The following MCTP2 variants were observed in gnomAD, a reference collection of about 807,000 sequenced individuals.
The protein encoded by MCTP2 is multiple C2 and transmembrane domain containing 2.
Under a neutral mutation model 111.6 loss-of-function variants are expected in MCTP2, and 132 were observed. The ratio of observed to expected loss-of-function variants is 1.18; its 90% CI spans 1.03 to 1.37. MCTP2 has a LOEUF of 1.37. MCTP2 is among the 40% of genes most tolerant of loss of function. MCTP2 has a pLI of 0.00. For missense variants in MCTP2, 1,183 were observed against 1,067.9 expected (o/e 1.11, Z -1.50); for synonymous variants, 395 against 387.7 (o/e 1.02, Z -0.22).
At chr15:94,251,153 C>T (rs965566247) in intron 1 of MCTP2, among the ~76,000 whole-genome samples, 2 of 152,122 alleles carry the variant, frequency 1.3e-5, no homozygotes, top group South Asian at 2.1e-4. Flanking sequence ...GCAGAGCTGC[C>T]GTAGCCACAG....
intron 18 of MCTP2, among the ~76,000 whole-genome samples, chr15:94,441,009 T>TA (rs1167009973): frequency 3.3e-5 from 5 of 152,142 alleles, no homozygotes; most frequent in African/African-American, 7.2e-5. Flanking sequence ...GCTTTTTTTT[T>TA]ATGATGTAAT....
chr15:94,327,537 T>C (rs2076937481), intron 4 of MCTP2, among the ~76,000 whole-genome samples: 1 of 152,228 alleles, frequency 6.6e-6, no homozygotes, highest in Non-Finnish European at 1.5e-5. Context: ...GAGTACCTTC[T>C]CTGAACACCA....
intron 4 of MCTP2, among the ~76,000 whole-genome samples, chr15:94,317,844 A>T (rs773815203): frequency 6.6e-6 from 1 of 152,190 alleles, no homozygotes; most frequent in Non-Finnish European, 1.5e-5. Flanking sequence ...ATTTTAAAAT[A>T]GTGAAAAAAT....
At chr15:94,315,807 A>G (rs1455916941) in intron 4 of MCTP2, among the ~76,000 whole-genome samples, 170 bp downstream of exon 4, 1 of 152,234 alleles carries the variant, frequency 6.6e-6, no homozygotes, top group African/African-American at 2.4e-5. Context: ...ATTTAAACAC[A>G]CTAAACCTTA....
intron 12 of MCTP2, among the ~76,000 whole-genome samples, chr15:94,374,235 C>G (rs533379979): frequency 6.6e-6 from 1 of 152,238 alleles, no homozygotes; most frequent in Non-Finnish European, 1.5e-5. Flanking sequence ...ATATAGTAAA[C>G]AATGGGTTAA....
At chr15:94,336,691 A>ATATG (rs1555454771) in intron 4 of MCTP2, among the ~76,000 whole-genome samples, 4 of 150,830 alleles carry the variant, frequency 2.7e-5, no homozygotes, top group Non-Finnish European at 5.9e-5. Context: ...ATATATATAT[A>ATATG]TATGTATGTA....
chr15:94,291,620 A>G (rs2075036506), intron 1 of MCTP2, among the ~76,000 whole-genome samples: 1 of 152,160 alleles, frequency 6.6e-6, no homozygotes, highest in Non-Finnish European at 1.5e-5. Context: ...AAAAAAAAAA[A>G]GTGAAAATAA....
intron 8 of MCTP2, among the ~76,000 whole-genome samples, chr15:94,354,344 C>T (rs1395772836): frequency 6.6e-6 from 1 of 152,088 alleles, no homozygotes; most frequent in Non-Finnish European, 1.5e-5. Flanking sequence ...TCCCCATAAT[C>T]CCCACTTGTC....
At position 94,298,296 on chromosome 15, in the gene MCTP2, T is replaced by C. The variant is rs760528888; in HGVS notation, c.31T>C (p.Ser11Pro). The change falls in exon 2 of 23, where the codon TCA (serine) becomes CCA (proline). Residue 11 changes from serine to proline, a missense_variant. Transcript: ENST00000357742. ...TCTGGATAAACCATCTGTTTGGGGC[T>C]CATTAAAACAGCGGACCAGGCCATT... MDLDKPSVWG[S>P]LKQRTRPLLI... 2 of 1,613,758 alleles carry C rather than the reference T, an allele frequency of 1.2e-6. No individual in the cohort carries two copies. Among genetic ancestry groups the C allele is most frequent in the East Asian group, 2.2e-5 (1 of 44,894 alleles).
At chr15:94,474,461 G>A (rs1178900553) in intron 21 of MCTP2, among the ~76,000 whole-genome samples, 1 of 152,218 alleles carries the variant, frequency 6.6e-6, no homozygotes, top group East Asian at 1.9e-4. Flanking sequence ...GTGAGGTACA[G>A]GAAGGTTACG....
chr15:94,370,138 A>T lies in MCTP2; in HGVS notation c.1540A>T (p.Lys514Ter). ...GAAAGACGTCGGCATTCTACAAGTG[A>T]AGGTTTTAAAGGCAGCAGATCTCTT... The part of the protein sequence containing the change: ...DVKDVGILQV[K>*]VLKAADLLAA... The change falls in exon 12 of 23, where the codon AAG becomes TAG. Residue 514 changes from lysine to a stop codon, truncating the protein, a stop_gained. Coordinates refer to ENST00000357742, the MANE Select transcript of MCTP2 (RefSeq NM_001385001.1). LOFTEE classifies it high-confidence loss of function. The T allele has an allele frequency of 1.9e-6, 3 of 1,613,540 alleles. No individual in the cohort carries two copies. Among genetic ancestry groups the T allele is most frequent in the Non-Finnish European group, 2.5e-6 (3 of 1,179,708 alleles).
intron 4 of MCTP2, among the ~76,000 whole-genome samples, chr15:94,325,478 T>G (rs2076820316): frequency 6.6e-6 from 1 of 152,180 alleles, no homozygotes; most frequent in African/African-American, 2.4e-5. Flanking sequence ...TCCTCATCAA[T>G]TTTTGTACTT....
rs2074674110 is a variant in MCTP2 at position 94,480,513 on chromosome 15, A to G, written c.*1479A>G. On this transcript the variant is annotated 3_prime_UTR_variant, in exon 23 of 23. Coordinates refer to ENST00000357742, the MANE Select transcript of MCTP2 (RefSeq NM_001385001.1). ...TTCAAGTTAATGAAGCTGGCTGGAA[A>G]AGAGCCTTGCAGAAATTATAAAAGC... The G allele has an allele frequency of 6.6e-6, 1 of 152,234 alleles. No individual in the cohort carries two copies. Among genetic ancestry groups the G allele is most frequent in the Admixed American group, 6.5e-5 (1 of 15,280 alleles). 9.4% of individuals were successfully genotyped at this position (152,234 alleles called of 1,614,324 possible). A position where few individuals can be genotyped will look rare whatever the true frequency, so the allele number is the denominator to read the frequency against.
At chr15:94,313,185 G>A (rs915632314) in intron 2 of MCTP2, among the ~76,000 whole-genome samples, 2 of 152,160 alleles carry the variant, frequency 1.3e-5, no homozygotes, top group Non-Finnish European at 2.9e-5. Context: ...ATTGCTGGGA[G>A]GCCATTTGCC....
chr15:94,276,260 C>G (rs532475316), intron 1 of MCTP2, among the ~76,000 whole-genome samples: 2 of 152,130 alleles, frequency 1.3e-5, no homozygotes, highest in East Asian at 3.9e-4. Flanking sequence ...GAGATTAAAA[C>G]AGCAATATAA....
intron 1 of MCTP2, among the ~76,000 whole-genome samples, chr15:94,243,570 T>TGC (rs1567252594): frequency 1.4e-5 from 2 of 144,514 alleles, no homozygotes; most frequent in Non-Finnish European, 3.1e-5. Flanking sequence ...CGTATGTACA[T>TGC]ACATACGTAT....
At chr15:94,427,627 G>A (rs541500314) in intron 17 of MCTP2, among the ~76,000 whole-genome samples, 20 of 152,262 alleles carry the variant, frequency 1.3e-4, no homozygotes, top group South Asian at 1.0e-3. Flanking sequence ...CCCCCGACAC[G>A]TGGGGATTAC....
rs145540262 is a variant in MCTP2 at position 94,405,005 on chromosome 15, CAG to C, written c.2085+2987_2085+2988del. Among the ~76,000 whole-genome samples, 215 of 152,318 alleles carry C rather than the reference CAG, an allele frequency of 1.4e-3. 1 individual carries two copies. Among genetic ancestry groups the C allele is most frequent in the African/African-American group, 4.9e-3 (205 of 41,582 alleles). ...GTTCCAACTGCTCGCCTTGGCATGACAGGGCAGAACAGAGGCGCTGTCTGAAG... is the reference window on the plus strand; with the variant it reads ...GTTCCAACTGCTCGCCTTGGCATGACGGCAGAACAGAGGCGCTGTCTGAAG... On this transcript the variant is annotated intron_variant, in intron 17 of 22. Coordinates refer to ENST00000357742, the MANE Select transcript of MCTP2 (RefSeq NM_001385001.1).
At chr15:94,278,144 G>A (rs573683757) in intron 1 of MCTP2, 6 of 152,042 alleles carry the variant, frequency 3.9e-5, no homozygotes, top group East Asian at 1.9e-4. Flanking sequence ...GCTTTTATTC[G>A]GAGGTACAGA....
Sources: allele counts gnomAD v4.1 joint callset (sites outside exome capture counted in the v4.1 genomes callset), GRCh38; gene constraint gnomAD v4.1.1; transcripts MANE v1.5; gene names NCBI Gene and HGNC (gene_info 2026-07-23, HGNC 2026-07-21).